TBC1D2B: variants seen among roughly 807,000 people sequenced by gnomAD.
TBC1D2B encodes TBC1 domain family, member 2B.
Under a neutral mutation model 100.8 loss-of-function variants are expected in TBC1D2B, and 64 were observed. The observed-to-expected ratio is 0.64, with a 90% CI of 0.52 to 0.78. TBC1D2B has a LOEUF of 0.78. Ranked by LOEUF, TBC1D2B falls within the 30% of genes least tolerant of loss-of-function variation. The probability of loss-of-function intolerance (pLI) is 0.00; values close to 1 mark genes in which losing one functional copy is unlikely to be tolerated. For synonymous variants in TBC1D2B, 480 were observed against 479.7 expected (o/e 1.00, Z -0.01); for missense variants, 1,052 against 1,218.4 (o/e 0.86, Z 2.03).
chr15:78,071,661 G>T (rs999316334), intron 1 of TBC1D2B, among the ~76,000 whole-genome samples: 1 of 152,182 alleles, frequency 6.6e-6, no homozygotes, highest in Non-Finnish European at 1.5e-5. Flanking sequence ...ATGACATGAG[G>T]CAAGAATGGC....
chr15:78,025,379 A>C lies in TBC1D2B; in HGVS notation c.966T>G (p.Ser322Arg). 6.2e-7 allele frequency: 1 copy of C among 1,613,858 alleles called. No individual in the cohort carries two copies. The highest frequency in any genetic ancestry group is 8.5e-7 in the Non-Finnish European group (1 of 1,179,870). The part of the protein sequence containing the change: ...KNRHSSGDPS[S>R]EGTSGSGSVS... ...CGCTGCCACTGCCTGATGTGCCTTCACTTGAAGGGTCACCACTGCTGTGAC... is the reference window on the plus strand; with the variant it reads ...CGCTGCCACTGCCTGATGTGCCTTCCCTTGAAGGGTCACCACTGCTGTGAC... The change falls in exon 5 of 13, where the codon AGT becomes AGG. Residue 322 changes from serine (S) to arginine (R), a missense_variant. Physicochemically the swap from Ser to Arg is moderately radical, Grantham distance 110. Transcript: ENST00000300584.
At chr15:78,076,582 TA>T (rs34714222) in intron 1 of TBC1D2B, among the ~76,000 whole-genome samples, 43,979 of 146,724 alleles carry the variant, frequency 0.3, 7,056 homozygotes, top group East Asian at 0.58. Flanking sequence ...CCCGTTTCTT[TA>T]AAAAAAAAAA....
At chr15:78,014,309 A>G (rs1163195630) in intron 8 of TBC1D2B, among the ~76,000 whole-genome samples, 13 of 152,238 alleles carry the variant, frequency 8.5e-5, no homozygotes, top group Non-Finnish European at 2.9e-5. Flanking sequence ...CCAGTAAAAG[A>G]AAACTACTAC....
At chr15:78,056,116 G>T (rs1176996767) in intron 1 of TBC1D2B, among the ~76,000 whole-genome samples, 1 of 152,180 alleles carries the variant, frequency 6.6e-6, no homozygotes, top group African/African-American at 2.4e-5. Context: ...GCACATAGTA[G>T]GTCAGTATTT....
At chr15:78,073,949 A>G (rs899379355) in intron 1 of TBC1D2B, among the ~76,000 whole-genome samples, 5 of 149,782 alleles carry the variant, frequency 3.3e-5, no homozygotes, top group Non-Finnish European at 7.4e-5. Context: ...AGCCTGGGCG[A>G]CACAGCAAGA....
intron 12 of TBC1D2B, among the ~76,000 whole-genome samples, chr15:78,000,183 G>A (rs2071872675): frequency 6.6e-6 from 1 of 152,234 alleles, no homozygotes; most frequent in African/African-American, 2.4e-5. Context: ...GCTTTCTAAA[G>A]CAAGCTGCAG....
chr15:78,071,858 C>T (rs992125851), intron 1 of TBC1D2B, among the ~76,000 whole-genome samples: 1 of 152,210 alleles, frequency 6.6e-6, no homozygotes, highest in African/African-American at 2.4e-5. Flanking sequence ...GTGGCTTAAA[C>T]AACAGAAATT....
At chr15:78,037,600 C>A (rs189593602) in intron 3 of TBC1D2B, among the ~76,000 whole-genome samples, 1 of 150,034 alleles carries the variant, frequency 6.7e-6, no homozygotes, top group African/African-American at 2.4e-5. Context: ...TCCTCAGCCC[C>A]ATCCCATAGT....
chr15:78,038,988 C>T (rs547481924), intron 3 of TBC1D2B, among the ~76,000 whole-genome samples: 1 of 152,326 alleles, frequency 6.6e-6, no homozygotes, highest in East Asian at 1.9e-4. Context: ...AGACCAGGTG[C>T]CATTGCACCA....
intron 9 of TBC1D2B, among the ~76,000 whole-genome samples, chr15:78,009,835 C>T (rs754949340): frequency 1.3e-5 from 2 of 151,626 alleles, no homozygotes; most frequent in African/African-American, 2.4e-5. Context: ...ATTAGCCAGG[C>T]GCGGTGGCGG....
intron 6 of TBC1D2B, among the ~76,000 whole-genome samples, chr15:78,019,845 T>C (rs1447501528): frequency 6.8e-6 from 1 of 147,362 alleles, no homozygotes; most frequent in African/African-American, 2.5e-5. Context: ...GCCAAGATCA[T>C]GCCACTGCAC....
At chr15:77,999,325 G>A in intron 12 of TBC1D2B, 4 of 454,970 alleles carry the variant, frequency 8.8e-6, no homozygotes, top group South Asian at 6.2e-5. Flanking sequence ...CGGCTGCGTG[G>A]GCTCCTTTTA....
chr15:78,077,553 G>C lies in TBC1D2B; in HGVS notation c.100C>G (p.Pro34Ala), dbSNP rs2073851158. Residue 34 changes from proline (P) to alanine (A), a missense_variant, in exon 1 of 13, where the codon CCA becomes GCA. By Grantham distance (27) the Pro-to-Ala change is conservative. Around this residue, in one of 4 missense-constraint regions of TBC1D2B, gnomAD observed 627 missense variants for 646.1 expected, o/e 0.97. Transcript: ENST00000300584. ...TGCAGATAGCCACACAGCCGCGCTG[G>C]CTCCCGCGCCGGACCCGCCCCGGGC... ...AEPGAGPAREPARLCGYLQKL... is the reference protein window; with the variant it reads ...AEPGAGPAREAARLCGYLQKL... 1 of 1,462,008 alleles carries C rather than the reference G, an allele frequency of 6.8e-7. No individual in the cohort carries two copies. The highest frequency in any genetic ancestry group is 1.3e-5 in the South Asian group (1 of 75,770). The allele number at this position is 1,462,008 out of a possible 1,614,324, so 90.6% of individuals were successfully genotyped here. A position where few individuals can be genotyped will look rare whatever the true frequency, so the allele number is the denominator to read the frequency against.
chr15:78,045,334 A>G (rs1260122854), intron 2 of TBC1D2B, among the ~76,000 whole-genome samples: 1 of 152,200 alleles, frequency 6.6e-6, no homozygotes, highest in Non-Finnish European at 1.5e-5. Context: ...AGAGAAAGCA[A>G]AGGCTAGAAT....
chr15:78,068,633 T>C (rs2073699305), intron 1 of TBC1D2B, among the ~76,000 whole-genome samples: 1 of 152,238 alleles, frequency 6.6e-6, no homozygotes, highest in Non-Finnish European at 1.5e-5. Flanking sequence ...CTGTGCTGGC[T>C]GGTGAGCTAC....
chr15:78,069,395 T>C (rs1486694076), intron 1 of TBC1D2B, among the ~76,000 whole-genome samples: 1 of 152,208 alleles, frequency 6.6e-6, no homozygotes, highest in Admixed American at 6.5e-5. Context: ...AAGAAGCAAC[T>C]GCTCAAGATA....
chr15:78,073,761 G>C (rs2073777043), intron 1 of TBC1D2B, among the ~76,000 whole-genome samples: 1 of 152,122 alleles, frequency 6.6e-6, no homozygotes, highest in African/African-American at 2.4e-5. Flanking sequence ...CACGAGGTCA[G>C]GAGTTCGAGA....
chr15:78,018,876 C>T (rs2072443144), intron 6 of TBC1D2B, among the ~76,000 whole-genome samples: 1 of 152,112 alleles, frequency 6.6e-6, no homozygotes, highest in South Asian at 2.1e-4. Flanking sequence ...ACCGAATCAC[C>T]TCTGAGCAGT....
At chr15:78,007,116 T>C (rs2141635799) in intron 10 of TBC1D2B, among the ~76,000 whole-genome samples, 1 of 152,302 alleles carries the variant, frequency 6.6e-6, no homozygotes, top group African/African-American at 2.4e-5. Context: ...AGCGATGGGA[T>C]GTTGTTCCAG....
Sources: allele counts gnomAD v4.1 joint callset (sites outside exome capture counted in the v4.1 genomes callset), GRCh38; gene constraint gnomAD v4.1.1; regional missense constraint gnomAD v4.1.1; transcripts MANE v1.5; gene names NCBI Gene and HGNC (gene_info 2026-07-23, HGNC 2026-07-21).